Variants in CDAN1 observed in about 807,000 individuals in gnomAD.
The protein encoded by CDAN1 is codanin 1.
In CDAN1, 107 loss-of-function variants were observed where a neutral mutation model predicts 139.8. That is an observed-to-expected ratio of 0.77 (90% confidence interval 0.65 to 0.90). The LOEUF (loss-of-function observed/expected upper bound fraction) is 0.90. CDAN1 is among the 40% of genes least tolerant of loss of function. CDAN1 has a pLI of 0.00. For synonymous variants in CDAN1, 776 were observed against 660.6 expected, an observed-to-expected ratio of 1.17 and a Z score of -2.68; for missense variants, 1,667 against 1,575.7, an observed-to-expected ratio of 1.06 and a Z score of -0.98.
rs780840510 is a variant in CDAN1 at position 42,729,813 on chromosome 15, C to A, written c.2335G>T (p.Ala779Ser). The change falls in exon 16 of 28, where the codon GCC becomes TCC. Residue 779 changes from alanine to serine, a missense_variant. Ala to Ser is a moderately conservative substitution (Grantham distance 99, BLOSUM62 1). Coordinates refer to ENST00000356231, the MANE Select transcript of CDAN1 (RefSeq NM_138477.4). ...PSYAFEVDTV[A>S]PEHGLDNAPV... is the part of the protein sequence containing the mutation. ...GCACTCACCAAGCCATGCTCTGGGG[C>A]TACTGTGTCCACCTCAAAGGCATAT... 6.2e-7 allele frequency: 1 copy of A among 1,613,716 alleles called. No homozygotes were observed. Among genetic ancestry groups the A allele is most frequent in the Non-Finnish European group, 8.5e-7 (1 of 1,179,784 alleles).
intron 10 of CDAN1, 99 bp from the exon 11 acceptor site, chr15:42,731,924 G>T: frequency 1.9e-6 from 2 of 1,053,868 alleles, no homozygotes; most frequent in Non-Finnish European, 2.9e-6. Flanking sequence ...TTTAAGGAAT[G>T]CCAACTGTGT....
At position 42,736,745 on chromosome 15, in the gene CDAN1, G is replaced by A. The variant is rs754222678; in HGVS notation, c.126C>T (p.Leu42=). The A allele has an allele frequency of 2.6e-6, 4 of 1,556,998 alleles. No individual in the cohort carries two copies. Among genetic ancestry groups the A allele is most frequent in the Non-Finnish European group, 3.5e-6 (4 of 1,156,412 alleles). The change falls in exon 2 of 28, where the codon CTC becomes CTT. Residue 42 remains leucine (L), a synonymous_variant. Transcript: ENST00000356231. ...GTACGAATTCTTTCCGCAGGGCCCG[G>A]AGTGAGCTCAGCGCGGCCGCCTCCC... ...NAGEAAALSS[L]RALRKEFVPF... is the part of the protein sequence containing the mutation.
chr15:42,735,166 C>A lies in CDAN1; in HGVS notation c.1070G>T (p.Ser357Ile). 6.2e-7 allele frequency: 1 copy of A among 1,613,656 alleles called. No individual in the cohort carries two copies. Among genetic ancestry groups the A allele is most frequent in the Non-Finnish European group, 8.5e-7 (1 of 1,179,574 alleles). ...ATCGTGGATGCTTTGGAACAGTGGA[C>A]TTTCCAGGGAATCTAGAAGGACAGT... is the stretch of plus-strand genomic sequence containing the variant. Reference protein sequence around the residue: ...LSPAVLDSLESPLFQSIHDCV... With the variant: ...LSPAVLDSLEIPLFQSIHDCV... Residue 357 changes from serine to isoleucine, a missense_variant, in exon 6 of 28, where the codon AGT becomes ATT. Ser to Ile is a moderately radical substitution (Grantham distance 142). Around this residue, in one of 3 missense-constraint regions of CDAN1, gnomAD observed 244 missense variants for 309.4 expected, o/e 0.79. Coordinates refer to ENST00000356231, the MANE Select transcript of CDAN1 (RefSeq NM_138477.4).
intron 15 of CDAN1, 48 bp from the exon 16 acceptor site, chr15:42,729,933 A>ACCCAC (rs1566983244): frequency 1.1e-5 from 11 of 1,014,646 alleles, no homozygotes; most frequent in Non-Finnish European, 1.4e-5. Flanking sequence ...CCCCCACCCA[A>ACCCAC]CCCACCCCAC....
Position 42,729,070 on chromosome 15 carries a change from T to C in CDAN1, c.2598A>G (p.Val866=), listed in dbSNP as rs376181495. The C allele has an allele frequency of 1.2e-6, 2 of 1,614,212 alleles. No individual in the cohort carries two copies. ...ATCCAATTCTTTCTGCCACGAACTC[T>C]ACGGTCCGGCGCAAGGAGGGCGGCT... ...HNQPPSLRRT[V]EFVAERIGSN... Residue 866 remains valine (V), a synonymous_variant, in exon 19 of 28, where the codon GTA becomes GTG. Coordinates refer to ENST00000356231, the MANE Select transcript of CDAN1 (RefSeq NM_138477.4).
At chr15:42,736,146 C>T (rs2061683990) in intron 2 of CDAN1, 68 bp from the exon 3 acceptor site, 1 of 1,576,052 alleles carries the variant, frequency 6.3e-7, no homozygotes, top group Admixed American at 1.8e-5. Context: ...ACCACCGCAA[C>T]AGCTAGACCT....
rs1168958842 is a variant in CDAN1 at position 42,735,605 on chromosome 15, G to T, written c.848C>A (p.Thr283Lys). Residue 283 changes from threonine (T) to lysine (K), a missense_variant, in exon 4 of 28, where the codon ACA becomes AAA. Around this residue, in one of 3 missense-constraint regions of CDAN1, gnomAD observed 487 missense variants for 422.2 expected, o/e 1.15. Transcript: ENST00000356231. ...TGCAGGTTCATCTGTGAGGCTTCCT[G>T]TCCGGCTGGGGAGGGGCGACCCCAA... ...PELGSPLPSR[T>K]GSLTDEPADP... 1.2e-6 allele frequency: 2 copies of T among 1,614,128 alleles called. No homozygotes were observed. The highest frequency in any genetic ancestry group is 2.7e-5 in the African/African-American group (2 of 74,938).
At position 42,728,208 on chromosome 15, in the gene CDAN1, G is replaced by GCC. The variant is rs2061558455; in HGVS notation, c.2862_2863dup (p.Ala955GlyfsTer5). 6.2e-7 allele frequency: 1 copy of GCC among 1,613,470 alleles called. No homozygotes were observed. The stretch of plus-strand genomic sequence containing the variant: ...GCAGGCCTCCCTCACACGTACGGCT[G>GCC]CCGGGGTCTCCTCTGGAAGCAGCGC... On this transcript the variant is annotated frameshift_variant, in exon 21 of 28. Transcript: ENST00000356231. LOFTEE classifies it high-confidence loss of function.
intron 3 of CDAN1, 53 bp downstream of exon 3, chr15:42,735,822 G>T: frequency 1.2e-6 from 2 of 1,604,044 alleles, no homozygotes; most frequent in South Asian, 1.1e-5. Context: ...GAAAACCCCT[G>T]AAGATCCCCC....
At chr15:42,736,105 T>C (rs756685980) in intron 2 of CDAN1, 27 bp from the exon 3 acceptor site, 9 of 1,612,124 alleles carry the variant, frequency 5.6e-6, no homozygotes, top group Non-Finnish European at 7.6e-6. Context: ...CAGGTTTTTC[T>C]CAAATTCCTA....
intron 22 of CDAN1, 47 bp downstream of exon 22, chr15:42,727,908 C>T (rs767366816): frequency 8.1e-6 from 13 of 1,605,252 alleles, no homozygotes; most frequent in South Asian, 3.3e-5. Flanking sequence ...TCTGCCAGTC[C>T]ACTTTTTAAA....
At chr15:42,731,971 C>A (rs1595859136) in intron 10 of CDAN1, 146 bp from the exon 11 acceptor site, 2 of 797,746 alleles carry the variant, frequency 2.5e-6, no homozygotes, top group East Asian at 5.3e-5. Flanking sequence ...ATGTGAATTA[C>A]AGTATTGTTT....
intron 16 of CDAN1, 52 bp from the exon 17 acceptor site, chr15:42,729,674 G>C: frequency 6.2e-7 from 1 of 1,608,054 alleles, no homozygotes; most frequent in Non-Finnish European, 8.5e-7. Context: ...AGCGCACCCA[G>C]AAAGCAGGCA....
rs370566687 is a variant in CDAN1, at chr15:42,737,015, C to G, written c.88G>C (p.Glu30Gln). The change falls in exon 1 of 28, where the codon GAG becomes CAG. Residue 30 changes from glutamate to glutamine, a missense_variant and splice_region_variant. By Grantham distance (29) the Glu-to-Gln change is conservative. Transcript: ENST00000356231. Reference sequence around the variant, plus strand: ...TGGGGGCGTGTCACCGCTGTTACCTCCGAACCCTGGGTGCTGCGCGCGATC... The same window carrying G: ...TGGGGGCGTGTCACCGCTGTTACCTGCGAACCCTGGGTGCTGCGCGCGATC... ...RWIARSTQGSEDNAGEAAALS... is the reference protein window; with the variant it reads ...RWIARSTQGSQDNAGEAAALS... 2.1e-5 allele frequency: 32 copies of G among 1,546,776 alleles called. No individual in the cohort carries two copies. In the African/African-American group the frequency reaches 4.3e-4, roughly 21 times the overall value.
chr15:42,727,916 A>G (rs1043615882), intron 22 of CDAN1, 39 bp downstream of exon 22: 2 of 1,607,798 alleles, frequency 1.2e-6, no homozygotes, highest in Non-Finnish European at 1.7e-6. Context: ...TCCACTTTTT[A>G]AACACTTGAT....
At chr15:42,725,912 G>A (rs1224129298) in intron 25 of CDAN1, among the ~76,000 whole-genome samples, 185 bp downstream of exon 25, 2 of 137,464 alleles carry the variant, frequency 1.5e-5, no homozygotes, top group Admixed American at 1.5e-4. Context: ...GGAGGCAGAG[G>A]TTGCAGTTAG....
Position 42,724,326 on chromosome 15 carries a change from T to G in CDAN1, c.*165A>C. ...AGGCCAACTCTCCTTCCTCTAGGAT[T>G]CGCGTGGTGGGATGCCAGGCAGTGA... is the stretch of plus-strand genomic sequence containing the variant. On this transcript the variant is annotated 3_prime_UTR_variant, in exon 28 of 28. Transcript: ENST00000356231. 1 of 878,560 alleles carries G rather than the reference T, an allele frequency of 1.1e-6. No individual in the cohort carries two copies. The highest frequency in any genetic ancestry group is 1.8e-6 in the Non-Finnish European group (1 of 563,862). The allele number at this position is 878,560 out of a possible 1,614,324, so 54.4% of individuals were successfully genotyped here.
At chr15:42,735,010 T>G (rs1427052669) in intron 6 of CDAN1, 90 bp downstream of exon 6, 20 of 859,984 alleles carry the variant, frequency 2.3e-5, no homozygotes, top group Admixed American at 7.7e-5. Flanking sequence ...CCACTGCCCC[T>G]GTGTTAAGCA....
rs117484795 is a variant in CDAN1, at chr15:42,729,518, T to C, written c.2407+50A>G. 1.3e-4 allele frequency: 204 copies of C among 1,612,162 alleles called. 2 individuals are homozygous for C. The East Asian group carries it at 4.3e-3, about 34-fold the overall frequency. On this transcript the variant is annotated intron_variant, in intron 17 of 27. Transcript: ENST00000356231. ...CTGGGCCAAGGGGGTGCCTTTTGGG[T>C]ACTCATGGAGGGACAGACCAAGGAC...
Sources: gnomAD v4.1 joint callset for allele counts (sites outside exome capture counted in the v4.1 genomes callset) on GRCh38, gnomAD v4.1.1 for gene constraint, gnomAD v4.1.1 regional missense constraint, MANE v1.5 for transcripts, NCBI Gene and HGNC (gene_info 2026-07-23, HGNC 2026-07-21) for gene names.